Variants in MAP2K6 observed in about 807,000 individuals in gnomAD.
The protein encoded by MAP2K6 is mitogen-activated protein kinase kinase 6.
A neutral mutation model predicts 53.7 loss-of-function variants in MAP2K6; 16 were observed. That is an observed-to-expected ratio of 0.30 (90% CI 0.20 to 0.45). The LOEUF (loss-of-function observed/expected upper bound fraction) is 0.45, where lower values mean the gene tolerates loss of function less well. MAP2K6 is among the 20% of genes least tolerant of loss of function. MAP2K6 has a pLI of 1.00. For synonymous variants in MAP2K6, 132 were observed against 143.1 expected (o/e 0.92, Z 0.55); for missense variants, 204 against 411.9 (o/e 0.50, Z 4.37).
chr17:69,520,923 C>A (rs1910432930), intron 6 of MAP2K6, 126 bp from the exon 7 acceptor site: 1 of 671,074 alleles, frequency 1.5e-6, no homozygotes, highest in Non-Finnish European at 2.5e-6. Flanking sequence ...CTAGATAGGA[C>A]CACCACTATT....
chr17:69,516,935 G>T, intron 3 of MAP2K6, 32 bp downstream of exon 3: 2 of 1,517,022 alleles, frequency 1.3e-6, no homozygotes, highest in Non-Finnish European at 1.8e-6. Context: ...CACCTAATAC[G>T]TTGGCCATTT....
Position 69,526,576 on chromosome 17 carries a change from T to C in MAP2K6, c.748T>C (p.Leu250=), listed in dbSNP as rs1427922984. 3 of 1,613,662 alleles carry C rather than the reference T, an allele frequency of 1.9e-6. No homozygotes were observed. In the Admixed American group the frequency reaches 5.0e-5, roughly 27 times the overall value. The change falls in exon 10 of 12, where the codon TTG becomes CTG. Residue 250 remains leucine (L), a synonymous_variant. Coordinates refer to ENST00000590474, the MANE Select transcript of MAP2K6 (RefSeq NM_002758.4). ...TTTTTCTTCTTTTCTCCAGATTGAG[T>C]TGGCCATCCTTCGATTTCCCTATGA... ...IWSLGITMIE[L]AILRFPYDSW...
chr17:69,520,625 C>T (rs182530192), intron 6 of MAP2K6: 173 of 465,716 alleles, frequency 3.7e-4, no homozygotes, highest in Non-Finnish European at 5.8e-4. Context: ...CTGCATTCAT[C>T]AGCTATGACC....
chr17:69,484,380 A>T (rs942418205), intron 1 of MAP2K6, among the ~76,000 whole-genome samples: 7 of 152,096 alleles, frequency 4.6e-5, no homozygotes, highest in Non-Finnish European at 1.0e-4. Context: ...CCCCAGTGAG[A>T]TCTACTTCAC....
At chr17:69,443,443 C>A in intron 1 of MAP2K6, among the ~76,000 whole-genome samples, 2 of 152,280 alleles carry the variant, frequency 1.3e-5, no homozygotes, top group Middle Eastern at 3.4e-3. Flanking sequence ...GCCCTCTCTA[C>A]GTCATATAAA....
At chr17:69,518,017 C>T (rs574560656) in intron 4 of MAP2K6, among the ~76,000 whole-genome samples, 3 of 152,136 alleles carry the variant, frequency 2.0e-5, no homozygotes, top group Admixed American at 6.5e-5. Flanking sequence ...AGTGAAACCT[C>T]GTCTCTACTA....
intron 1 of MAP2K6, among the ~76,000 whole-genome samples, chr17:69,416,101 G>A (rs940485853): frequency 5.3e-5 from 8 of 152,152 alleles, no homozygotes; most frequent in Non-Finnish European, 1.2e-4. Context: ...ATGAAGAGAG[G>A]TGTTAGATAC....
chr17:69,505,442 CAAAAA>C (rs33993512), intron 1 of MAP2K6: 343 of 115,558 alleles, frequency 3.0e-3, no homozygotes, highest in South Asian at 8.6e-3. Context: ...GACTCTGTCT[CAAAAA>C]AAAAAAAAAA....
intron 6 of MAP2K6, chr17:69,520,621 TCA>T (rs1910415830): frequency 8.2e-6 from 4 of 487,396 alleles, no homozygotes; most frequent in Non-Finnish European, 1.4e-5. Context: ...AGTGCTGCAT[TCA>T]TCAGCTATGA....
intron 1 of MAP2K6, among the ~76,000 whole-genome samples, chr17:69,458,825 CT>C (rs1200572596): frequency 3.9e-5 from 6 of 152,196 alleles, no homozygotes; most frequent in African/African-American, 1.4e-4. Flanking sequence ...TGTGTCGCCC[CT>C]GTCCTCGTTC....
At chr17:69,504,293 T>A (rs980959118) in intron 1 of MAP2K6, among the ~76,000 whole-genome samples, 1 of 151,964 alleles carries the variant, frequency 6.6e-6, no homozygotes, top group Non-Finnish European at 1.5e-5. Flanking sequence ...TTTTTTTTTT[T>A]GAGACAGAGT....
At chr17:69,441,262 T>C (rs1178758399) in intron 1 of MAP2K6, among the ~76,000 whole-genome samples, 6 of 152,242 alleles carry the variant, frequency 3.9e-5, no homozygotes, top group Non-Finnish European at 8.8e-5. Flanking sequence ...TCTTTTGAGA[T>C]TTCAAATGTT....
chr17:69,516,942 A>G (rs1486935126), intron 3 of MAP2K6, 39 bp downstream of exon 3: 3 of 1,433,848 alleles, frequency 2.1e-6, no homozygotes, highest in Admixed American at 1.7e-5. Flanking sequence ...TACGTTGGCC[A>G]TTTTATATGT....
chr17:69,490,609 G>A (rs986716421), intron 1 of MAP2K6, among the ~76,000 whole-genome samples: 3 of 152,088 alleles, frequency 2.0e-5, no homozygotes, highest in African/African-American at 7.2e-5. Context: ...AAGAAAATTT[G>A]ACAAAATTCA....
chr17:69,472,213 A>G (rs1042022256), intron 1 of MAP2K6, among the ~76,000 whole-genome samples: 2 of 152,162 alleles, frequency 1.3e-5, no homozygotes, highest in East Asian at 1.9e-4. Flanking sequence ...AAGAAGCTCA[A>G]ATCTCAGCAT....
chr17:69,519,277 G>A (rs1230465521), intron 4 of MAP2K6, 36 bp from the exon 5 acceptor site: 1 of 1,605,814 alleles, frequency 6.2e-7, no homozygotes, highest in Non-Finnish European at 8.5e-7. Context: ...CATCCTCAGA[G>A]TAGTAACCAT....
chr17:69,420,983 TG>T (rs1906060367), intron 1 of MAP2K6, among the ~76,000 whole-genome samples: 1 of 152,250 alleles, frequency 6.6e-6, no homozygotes, highest in South Asian at 2.1e-4. Context: ...TTTTAACCAC[TG>T]TAATGGTTGT....
At chr17:69,536,416 T>C (rs1443161646) in intron 11 of MAP2K6, among the ~76,000 whole-genome samples, 1 of 152,222 alleles carries the variant, frequency 6.6e-6, no homozygotes, top group Non-Finnish European at 1.5e-5. Flanking sequence ...GCAAATTATG[T>C]GTATACAATT....
At chr17:69,508,857 G>A (rs948920259) in intron 2 of MAP2K6, among the ~76,000 whole-genome samples, 1 of 152,206 alleles carries the variant, frequency 6.6e-6, no homozygotes, top group Non-Finnish European at 1.5e-5. Context: ...AGCACCATTT[G>A]TTGAAAAGGC....
Sources: allele counts gnomAD v4.1 joint callset (sites outside exome capture counted in the v4.1 genomes callset), GRCh38; gene constraint gnomAD v4.1.1; transcripts MANE v1.5; gene names NCBI Gene and HGNC (gene_info 2026-07-23, HGNC 2026-07-21).